The following SLC18A2 variants were observed in gnomAD, a reference collection of about 807,000 sequenced individuals.
SLC18A2 encodes the protein synaptic vesicular amine transporter.
A neutral mutation model predicts 59.2 loss-of-function variants in SLC18A2; 33 were observed. The observed-to-expected ratio is 0.56, with a 90% CI of 0.42 to 0.75. The LOEUF (loss-of-function observed/expected upper bound fraction) is 0.75, where lower values mean the gene tolerates loss of function less well. SLC18A2 is among the 30% of genes least tolerant of loss of function. The pLI is 0.00. For missense variants in SLC18A2, 569 were observed against 668.6 expected, an observed-to-expected ratio of 0.85 and a Z score of 1.64; for synonymous variants, 228 against 253.5, an observed-to-expected ratio of 0.90 and a Z score of 0.95.
intron 10 of SLC18A2, among the ~76,000 whole-genome samples, chr10:117,264,691 CTGT>C (rs2133740491): frequency 6.6e-6 from 1 of 152,254 alleles, no homozygotes; most frequent in Admixed American, 6.5e-5. Context: ...GGTATCTGCA[CTGT>C]TATTTCTGCT....
At chr10:117,272,566 T>C (rs146432257) in intron 15 of SLC18A2, among the ~76,000 whole-genome samples, 13 of 152,300 alleles carry the variant, frequency 8.5e-5, no homozygotes, top group African/African-American at 3.1e-4. Flanking sequence ...CTTCAGTTCA[T>C]GTTTTAAAAA....
chr10:117,276,630 A>AAAAAAAAAAAAAAAAAAAG (rs1445853665), intron 15 of SLC18A2, among the ~76,000 whole-genome samples: 1 of 22,312 alleles, frequency 4.5e-5, no homozygotes, highest in African/African-American at 1.1e-4. Flanking sequence ...AAAAAAAAAA[A>AAAAAAAAAAAAAAAAAAAG]AAAGAAAGAA....
rs139131553 is a variant in SLC18A2 at position 117,269,337 on chromosome 10, C to CAA, written c.1187-733_1187-732insAA. Among the ~76,000 whole-genome samples the CAA allele has an allele frequency of 3.3e-5, 5 of 152,076 alleles. No individual in the cohort carries two copies. Among genetic ancestry groups the CAA allele is most frequent in the African/African-American group, 7.2e-5 (3 of 41,426 alleles). On this transcript the variant is annotated intron_variant, in intron 13 of 15. Transcript: ENST00000644641. This position sits in a 1 kb window ranked among gnomAD's most constrained non-coding sequence, Gnocchi z 5.1. ...TACATATATACATATACATAATACACATACACACATGCATACACACATATA... is the reference window on the plus strand; with the variant it reads ...TACATATATACATATACATAATACACAAATACACACATGCATACACACATATA...
chr10:117,254,535 G>A, intron 6 of SLC18A2, 38 bp downstream of exon 6: 2 of 1,487,964 alleles, frequency 1.3e-6, no homozygotes, highest in Non-Finnish European at 1.8e-6. Context: ...TGGCAAGAGG[G>A]GCCTGCCTGG....
intron 4 of SLC18A2, 28 bp from the exon 5 acceptor site, chr10:117,254,020 T>G (rs1844196218): frequency 4.4e-6 from 7 of 1,607,616 alleles, no homozygotes; most frequent in Admixed American, 1.7e-5. Flanking sequence ...AGCACTGATG[T>G]GCGGTCTTGG....
intron 10 of SLC18A2, among the ~76,000 whole-genome samples, chr10:117,261,124 G>A (rs545801491): frequency 1.1e-4 from 16 of 152,268 alleles, no homozygotes; most frequent in Non-Finnish European, 2.1e-4. Flanking sequence ...TTGGGAGGCC[G>A]AGGCAGGTGG....
At chr10:117,254,158 C>T (rs747000550) in intron 5 of SLC18A2, 27 bp downstream of exon 5, 13 of 1,606,492 alleles carry the variant, frequency 8.1e-6, no homozygotes, top group Admixed American at 5.0e-5. Context: ...TGAGTGAGTT[C>T]GTGAGGGGCC....
intron 12 of SLC18A2, chr10:117,267,375 C>CA: frequency 2.2e-6 from 1 of 448,074 alleles, no homozygotes; most frequent in Non-Finnish European, 3.9e-6. Context: ...TACCAATGGC[C>CA]AATATCCATC....
intron 3 of SLC18A2, among the ~76,000 whole-genome samples, chr10:117,246,740 C>A (rs1376104388): frequency 6.6e-6 from 1 of 152,080 alleles, no homozygotes; most frequent in Non-Finnish European, 1.5e-5. Flanking sequence ...GCAACCTCCA[C>A]CTCCTGGGTT....
intron 15 of SLC18A2, among the ~76,000 whole-genome samples, chr10:117,274,707 C>T (rs118106296): frequency 0.025 from 3,754 of 152,256 alleles, 72 homozygotes; most frequent in South Asian, 0.039. Flanking sequence ...GCTGTCCAAA[C>T]CTTTTCCATC....
chr10:117,270,551 C>A, intron 15 of SLC18A2, 88 bp downstream of exon 15: 1 of 1,465,656 alleles, frequency 6.8e-7, no homozygotes, highest in South Asian at 1.2e-5. Flanking sequence ...ATTCTAAAGC[C>A]TTCAAACATA....
intron 3 of SLC18A2, among the ~76,000 whole-genome samples, chr10:117,252,712 A>C (rs1007692472): frequency 4.6e-5 from 7 of 152,106 alleles, no homozygotes; most frequent in African/African-American, 1.7e-4. Flanking sequence ...CAGTCCTGGG[A>C]GGTGGGCGGT....
rs1844386590 is a variant in SLC18A2, at chr10:117,269,013, CTG to C, written c.1187-1057_1187-1056del. 6.6e-6 allele frequency among the ~76,000 whole-genome samples: 1 copy of C among 151,482 alleles called. No homozygotes were observed. The highest frequency in any genetic ancestry group is 1.5e-5 in the Non-Finnish European group (1 of 67,818). On this transcript the variant is annotated intron_variant, in intron 13 of 15. Coordinates refer to ENST00000644641, the MANE Select transcript of SLC18A2 (RefSeq NM_003054.6). This position sits in a 1 kb window ranked among gnomAD's most constrained non-coding sequence, Gnocchi z 5.1. The stretch of plus-strand genomic sequence containing the variant: ...ATACACACAAACACACATACACACA[CTG>C]ACACACGCATACACACACACATACA...
At chr10:117,271,342 C>G (rs568592365) in intron 15 of SLC18A2, among the ~76,000 whole-genome samples, 1 of 152,336 alleles carries the variant, frequency 6.6e-6, no homozygotes, top group East Asian at 1.9e-4. Context: ...GAAGGTCTTT[C>G]TGACAGTGGA....
At chr10:117,251,980 A>G (rs1269224481) in intron 3 of SLC18A2, among the ~76,000 whole-genome samples, 2 of 151,846 alleles carry the variant, frequency 1.3e-5, no homozygotes, top group African/African-American at 2.4e-5. Flanking sequence ...TACTTTTGAG[A>G]CAGAATCTCG....
At chr10:117,252,996 T>C (rs554435705) in intron 3 of SLC18A2, among the ~76,000 whole-genome samples, 19 of 152,358 alleles carry the variant, frequency 1.2e-4, no homozygotes, top group African/African-American at 4.1e-4. Flanking sequence ...CATACTGCAG[T>C]CTGCCAGTGG....
At chr10:117,247,965 G>A (rs1015610433) in intron 3 of SLC18A2, among the ~76,000 whole-genome samples, 5 of 152,154 alleles carry the variant, frequency 3.3e-5, no homozygotes, top group Admixed American at 2.0e-4. Context: ...AATGTAGGCC[G>A]CCTGTTTATT....
chr10:117,241,947 A>T (rs1844060654), intron 2 of SLC18A2, 133 bp downstream of exon 2: 1 of 918,180 alleles, frequency 1.1e-6, no homozygotes. Flanking sequence ...TTTGCAAAAA[A>T]GACATCCCCT....
intron 2 of SLC18A2, among the ~76,000 whole-genome samples, chr10:117,243,107 T>A (rs951506169): frequency 5.3e-5 from 8 of 150,750 alleles, no homozygotes; most frequent in African/African-American, 2.0e-4. Context: ...AAATTACAGA[T>A]TCCCACTCAT....
Sources: allele counts gnomAD v4.1 joint callset (sites outside exome capture counted in the v4.1 genomes callset), GRCh38; gene constraint gnomAD v4.1.1; non-coding constraint Gnocchi (gnomAD v3.1); transcripts MANE v1.5; gene names NCBI Gene and HGNC (gene_info 2026-07-23, HGNC 2026-07-21).